Variants in ITGA8 observed in about 807,000 individuals in gnomAD.
ITGA8 encodes integrin subunit alpha 8, also known as integrin alpha-8.
ITGA8 carries 91 observed loss-of-function variants against 142.3 expected under a neutral mutation model. The ratio of observed to expected loss-of-function variants is 0.64; its 90% CI spans 0.54 to 0.76. The LOEUF (loss-of-function observed/expected upper bound fraction) is 0.76, where lower values mean the gene tolerates loss of function less well. Among genes scored for constraint, ITGA8 ranks in the 30% least tolerant of loss-of-function variants. The pLI is 0.00. For synonymous variants in ITGA8, 505 were observed against 485.2 expected, an observed-to-expected ratio of 1.04 and a Z score of -0.54; for missense variants, 1,406 against 1,327.7, an observed-to-expected ratio of 1.06 and a Z score of -0.92.
At position 15,544,448 on chromosome 10, in the gene ITGA8, T is replaced by C. The variant is rs114762760; in HGVS notation, c.2880+4007A>G. Among the ~76,000 whole-genome samples the C allele has an allele frequency of 7.9e-3, 1,207 of 152,300 alleles. 16 individuals are homozygous for C. The highest frequency in any genetic ancestry group is 0.027 in the African/African-American group (1,139 of 41,564). On this transcript the variant is annotated intron_variant, in intron 27 of 29. Coordinates refer to ENST00000378076, the MANE Select transcript of ITGA8 (RefSeq NM_003638.3). The stretch of plus-strand genomic sequence containing the variant: ...ACACGTTGGTTTCAGACTTCTGGTT[T>C]TGGACTTTGAGAGAATAAATTTCTG...
intron 22 of ITGA8, among the ~76,000 whole-genome samples, chr10:15,591,745 A>G (rs1454584780): frequency 1.3e-5 from 2 of 152,196 alleles, no homozygotes; most frequent in African/African-American, 2.4e-5. Context: ...CTTGCCCTCA[A>G]AATGGAGTAT....
chr10:15,629,853 G>T (rs1379375754), intron 13 of ITGA8, among the ~76,000 whole-genome samples: 5 of 151,984 alleles, frequency 3.3e-5, no homozygotes, highest in African/African-American at 9.7e-5. Context: ...TCTTGAACCC[G>T]GGAAGCAGAG....
At chr10:15,518,189 A>T (rs746637820) in intron 29 of ITGA8, among the ~76,000 whole-genome samples, 1 of 152,204 alleles carries the variant, frequency 6.6e-6, no homozygotes, top group Non-Finnish European at 1.5e-5. Flanking sequence ...AGTAAACTAC[A>T]TATTTTCCTA....
At chr10:15,663,471 C>T (rs1691772953) in intron 8 of ITGA8, among the ~76,000 whole-genome samples, 1 of 151,890 alleles carries the variant, frequency 6.6e-6, no homozygotes, top group Non-Finnish European at 1.5e-5. Context: ...TGGAAAATCA[C>T]TACTGTTTTC....
chr10:15,600,618 G>T (rs1171000763), intron 20 of ITGA8, among the ~76,000 whole-genome samples: 2 of 152,212 alleles, frequency 1.3e-5, no homozygotes, highest in African/African-American at 4.8e-5. Flanking sequence ...GACGGATTTG[G>T]ATCTTATCCT....
chr10:15,589,321 A>G (rs770396711), intron 22 of ITGA8, among the ~76,000 whole-genome samples: 1 of 152,140 alleles, frequency 6.6e-6, no homozygotes, highest in Non-Finnish European at 1.5e-5. Context: ...TCTCACCATT[A>G]CTAAGGAAGA....
chr10:15,710,935 T>C (rs2131737938), intron 2 of ITGA8, among the ~76,000 whole-genome samples: 1 of 152,294 alleles, frequency 6.6e-6, no homozygotes, highest in East Asian at 1.9e-4. Context: ...ATACAGGGTT[T>C]TTTGCAATAT....
intron 13 of ITGA8, among the ~76,000 whole-genome samples, chr10:15,619,912 C>A (rs1833458165): frequency 6.6e-6 from 1 of 152,050 alleles, no homozygotes. Flanking sequence ...TGTTCTTGGC[C>A]CCAAATAAGG....
intron 9 of ITGA8, 25 bp downstream of exon 9, chr10:15,660,854 C>T (rs1834271715): frequency 2.5e-6 from 4 of 1,592,736 alleles, no homozygotes; most frequent in Non-Finnish European, 3.4e-6. Context: ...ATACCCTATT[C>T]CTGTAATGCA....
chr10:15,631,254 G>A (rs1406832716), intron 13 of ITGA8, among the ~76,000 whole-genome samples: 1 of 151,920 alleles, frequency 6.6e-6, no homozygotes, highest in Non-Finnish European at 1.5e-5. Context: ...CTACTATAAA[G>A]ACACATGCAC....
rs1363656218 is a variant in ITGA8 at position 15,660,885 on chromosome 10, A to C, written c.885T>G (p.Phe295Leu). 5 of 1,613,614 alleles carry C rather than the reference A, an allele frequency of 3.1e-6. No homozygotes were observed. In the South Asian group the frequency reaches 5.5e-5, roughly 18 times the overall value. Residue 295 changes from phenylalanine (F) to leucine (L), a missense_variant, in exon 9 of 30, where the codon TTT becomes TTG. Physicochemically the swap from Phe to Leu is conservative, Grantham distance 22. Transcript: ENST00000378076. The stretch of plus-strand genomic sequence containing the variant: ...ATGCATTCTCAGTACTCACATATCC[A>C]AAATTCTGTGCTCCTCTTGGAATTC... ...VAGIPRGAQN[F>L]GYVSIINSTD... is the part of the protein sequence containing the mutation.
At chr10:15,547,258 A>G (rs753597977) in intron 27 of ITGA8, among the ~76,000 whole-genome samples, 7 of 152,222 alleles carry the variant, frequency 4.6e-5, no homozygotes, top group Non-Finnish European at 1.0e-4. Context: ...TTAGCATAAA[A>G]GAGATTTTAA....
At chr10:15,677,088 G>A (rs923434418) in intron 6 of ITGA8, among the ~76,000 whole-genome samples, 3 of 152,192 alleles carry the variant, frequency 2.0e-5, no homozygotes, top group Non-Finnish European at 4.4e-5. Context: ...AGCTAAAAAA[G>A]TTGATCTCAT....
chr10:15,647,368 C>A (rs1834001014), intron 11 of ITGA8, among the ~76,000 whole-genome samples: 1 of 150,238 alleles, frequency 6.7e-6, no homozygotes, highest in African/African-American at 2.5e-5. Flanking sequence ...GCAAACATAT[C>A]AAGAAAGAAC....
intron 28 of ITGA8, among the ~76,000 whole-genome samples, chr10:15,524,470 C>T (rs1833129608): frequency 6.6e-6 from 1 of 152,150 alleles, no homozygotes; most frequent in Non-Finnish European, 1.5e-5. Context: ...GCGACCTTGT[C>T]CTTGCCTCTG....
rs372332312 is a variant in ITGA8, at chr10:15,544,301, C to CAAA, written c.2880+4151_2880+4153dup. On this transcript the variant is annotated intron_variant, in intron 27 of 29. Transcript: ENST00000378076. ...TGACATAGTGAGACCCTGTCTCTAC[C>CAAA]AAAAAAAAACAAAACAAAACAACAA... Among the ~76,000 whole-genome samples, 151 of 148,398 alleles carry CAAA rather than the reference C, an allele frequency of 1.0e-3. 1 individual carries two copies. Among genetic ancestry groups the CAAA allele is most frequent in the African/African-American group, 2.8e-3 (114 of 40,342 alleles).
At chr10:15,653,497 T>C (rs1425545891) in intron 11 of ITGA8, among the ~76,000 whole-genome samples, 1 of 152,218 alleles carries the variant, frequency 6.6e-6, no homozygotes, top group African/African-American at 2.4e-5. Context: ...CCTACATTCA[T>C]ACGTCATTAT....
At chr10:15,645,318 C>A (rs1013239486) in intron 12 of ITGA8, among the ~76,000 whole-genome samples, 8 of 151,998 alleles carry the variant, frequency 5.3e-5, no homozygotes, top group African/African-American at 1.9e-4. Context: ...GCTAGGACCT[C>A]CCTTTATGTC....
Position 15,597,204 on chromosome 10 carries a change from T to C in ITGA8, c.2211+3A>G, listed in dbSNP as rs1833024011. On this transcript the variant is annotated splice_donor_region_variant and intron_variant, in intron 21 of 29. Coordinates refer to ENST00000378076, the MANE Select transcript of ITGA8 (RefSeq NM_003638.3). ...TCAGTCAGTATTTCTGGTTCTCTCT[T>C]ACATTTGTTCCAGACACCATAGGGT... The C allele has an allele frequency of 6.2e-7, 1 of 1,609,002 alleles. No individual in the cohort carries two copies. The highest frequency in any genetic ancestry group is 1.3e-5 in the African/African-American group (1 of 74,838).
Sources: gnomAD v4.1 joint callset for allele counts (sites outside exome capture counted in the v4.1 genomes callset) on GRCh38, gnomAD v4.1.1 for gene constraint, MANE v1.5 for transcripts, NCBI Gene and HGNC (gene_info 2026-07-23, HGNC 2026-07-21) for gene names.